The following GALNT2 variants were observed in gnomAD, a reference collection of about 807,000 sequenced individuals.
GALNT2 encodes the protein UDP-GalNAc:polypeptide N-acetylgalactosaminyltransferase 2.
Under a neutral mutation model 81.4 loss-of-function variants are expected in GALNT2, and 31 were observed. The observed-to-expected ratio is 0.38, with a 90% confidence interval of 0.29 to 0.51. The LOEUF (loss-of-function observed/expected upper bound fraction) is 0.51, where lower values mean the gene tolerates loss of function less well. GALNT2 is among the 20% of genes least tolerant of loss of function. GALNT2 has a pLI of 0.87. For synonymous variants in GALNT2, 303 were observed against 287.4 expected (o/e 1.05, Z -0.55); for missense variants, 629 against 765.7 (o/e 0.82, Z 2.11).
At chr1:230,118,444 T>C (rs1461803729) in intron 1 of GALNT2, among the ~76,000 whole-genome samples, 1 of 152,256 alleles carries the variant, frequency 6.6e-6, no homozygotes, top group Non-Finnish European at 1.5e-5. Context: ...TTCCAAAGTG[T>C]GCAAGCCTAT....
intron 1 of GALNT2, among the ~76,000 whole-genome samples, chr1:230,091,155 G>A (rs769378215): frequency 1.2e-4 from 18 of 151,770 alleles, no homozygotes; most frequent in South Asian, 2.1e-4. Flanking sequence ...TGCAGCCTCC[G>A]CCTCCTGGGT....
chr1:230,182,200 T>C (rs1023938919), intron 2 of GALNT2, among the ~76,000 whole-genome samples: 1 of 152,042 alleles, frequency 6.6e-6, no homozygotes, highest in African/African-American at 2.4e-5. Context: ...TTTTTGTTTT[T>C]TTCTGTATTG....
rs563892912 is a variant in GALNT2 at position 230,116,265 on chromosome 1, A to G, written c.126+48859A>G. ...TTTTTTTTTGAGACAGAGTCTCGCTATGTCACCAGGCTGGAGTGCAGTGGC... is the reference window on the plus strand; with the variant it reads ...TTTTTTTTTGAGACAGAGTCTCGCTGTGTCACCAGGCTGGAGTGCAGTGGC... On this transcript the variant is annotated intron_variant, in intron 1 of 15. Coordinates refer to ENST00000366672, the MANE Select transcript of GALNT2 (RefSeq NM_004481.5). 1.4e-3 allele frequency among the ~76,000 whole-genome samples: 207 copies of G among 151,752 alleles called. 2 individuals carry two copies. Among genetic ancestry groups the G allele is most frequent in the African/African-American group, 4.8e-3 (198 of 41,332 alleles).
upstream of GALNT2, among the ~76,000 whole-genome samples, chr1:230,065,860 A>G (rs958912260): frequency 6.6e-6 from 1 of 152,200 alleles, no homozygotes; most frequent in Non-Finnish European, 1.5e-5. Flanking sequence ...TTTTCCCAGA[A>G]ACAAGGCTCC....
intron 3 of GALNT2, among the ~76,000 whole-genome samples, chr1:230,228,061 T>C (rs1644895832): frequency 6.6e-6 from 1 of 152,042 alleles, no homozygotes; most frequent in Non-Finnish European, 1.5e-5. Context: ...TAACGGCCAA[T>C]TCAAAAATGT....
rs75652765 is a variant in GALNT2, at chr1:230,193,300, G to A, written c.221-9837G>A. Reference sequence around the variant, plus strand: ...TGAGACTCTCAGTTTCCTGCACAACGGGACCTGCATCCAGGAAGATACCTC... The same window carrying A: ...TGAGACTCTCAGTTTCCTGCACAACAGGACCTGCATCCAGGAAGATACCTC... On this transcript the variant is annotated intron_variant, in intron 2 of 15. Transcript: ENST00000366672. This position sits in a 1 kb window ranked among gnomAD's most constrained non-coding sequence, Gnocchi z 4.3. Among the ~76,000 whole-genome samples the A allele has an allele frequency of 4.9e-3, 741 of 152,248 alleles. 5 individuals are homozygous for A. Among genetic ancestry groups the A allele is most frequent in the African/African-American group, 0.017 (711 of 41,528 alleles).
At chr1:230,270,247 C>T (rs915634945) in intron 14 of GALNT2, among the ~76,000 whole-genome samples, 11 of 152,154 alleles carry the variant, frequency 7.2e-5, no homozygotes, top group African/African-American at 1.7e-4. Context: ...GAGGAGCAAG[C>T]GTTTTCTAGT....
chr1:230,245,554 C>T (rs944183378), intron 7 of GALNT2, among the ~76,000 whole-genome samples: 4 of 152,138 alleles, frequency 2.6e-5, no homozygotes, highest in Admixed American at 1.3e-4. Context: ...TTTGGTTAAC[C>T]TTCTGCTGTG....
intron 1 of GALNT2, among the ~76,000 whole-genome samples, chr1:230,148,903 T>G (rs1051566447): frequency 1.3e-5 from 2 of 151,454 alleles, no homozygotes; most frequent in African/African-American, 4.9e-5. Context: ...CTCCCCACCT[T>G]TTTTTTAAAC....
chr1:230,264,031 C>T (rs1305596343), intron 13 of GALNT2: 4 of 152,244 alleles, frequency 2.6e-5, no homozygotes, highest in Admixed American at 2.6e-4. Flanking sequence ...AACACAGCGT[C>T]CTTCTCCCTC....
intron 1 of GALNT2, among the ~76,000 whole-genome samples, chr1:230,076,058 T>G (rs892165693): frequency 6.6e-6 from 1 of 152,188 alleles, no homozygotes; most frequent in African/African-American, 2.4e-5. Flanking sequence ...GACATCTTGG[T>G]CACCTGTTCT....
At chr1:230,145,445 G>A (rs1661885888) in intron 1 of GALNT2, among the ~76,000 whole-genome samples, 1 of 152,226 alleles carries the variant, frequency 6.6e-6, no homozygotes, top group African/African-American at 2.4e-5. Context: ...TAGGTGTCTG[G>A]TGTTTGAAGC....
intron 1 of GALNT2, among the ~76,000 whole-genome samples, chr1:230,126,215 G>T (rs972918270): frequency 1.3e-5 from 2 of 152,236 alleles, no homozygotes; most frequent in African/African-American, 4.8e-5. Context: ...CAGAGCAGGA[G>T]TGTGGGGTTG....
At chr1:230,178,381 G>C (rs1663054107) in intron 2 of GALNT2, 70 bp downstream of exon 2, 2 of 1,173,174 alleles carry the variant, frequency 1.7e-6, no homozygotes, top group Non-Finnish European at 2.5e-6. Flanking sequence ...CATGGCTCTT[G>C]GAGCAGGTGG....
chr1:230,072,022 G>A (rs1298311352), intron 1 of GALNT2, among the ~76,000 whole-genome samples: 2 of 152,154 alleles, frequency 1.3e-5, no homozygotes, highest in East Asian at 3.9e-4. Flanking sequence ...TGGGGTGGGG[G>A]ACACCTGGGA....
Position 230,249,236 on chromosome 1 carries a change from A to G in GALNT2, c.870A>G (p.Arg290=), listed in dbSNP as rs747993447. The G allele has an allele frequency of 1.9e-6, 3 of 1,614,112 alleles. No individual in the cohort carries two copies. In the South Asian group the frequency reaches 3.3e-5, roughly 18 times the overall value. The stretch of plus-strand genomic sequence containing the variant: ...GGGATTACATGACGCCTGAGCAGAG[A>G]AGGTCCCGGCAGGGGAACCCAGTCG... ...FKWDYMTPEQ[R]RSRQGNPVAP... Residue 290 remains arginine (R), a synonymous_variant, in exon 9 of 16, where the codon AGA becomes AGG. Transcript: ENST00000366672.
Position 230,125,242 on chromosome 1 carries a change from G to T in GALNT2, c.127-52976G>T, listed in dbSNP as rs1301658973. On this transcript the variant is annotated intron_variant, in intron 1 of 15. Coordinates refer to ENST00000366672, the MANE Select transcript of GALNT2 (RefSeq NM_004481.5). ...AACCCATCACACAATTAGAGTGCAG[G>T]ATCCCTTTCCCACAATCAGAGTAAC... Among the ~76,000 whole-genome samples, 3 of 152,308 alleles carry T rather than the reference G, an allele frequency of 2.0e-5. No homozygotes were observed. In the East Asian group the frequency reaches 5.8e-4, roughly 29 times the overall value.
At chr1:230,255,590 TA>T (rs941115221) in intron 11 of GALNT2, among the ~76,000 whole-genome samples, 1 of 152,096 alleles carries the variant, frequency 6.6e-6, no homozygotes, top group African/African-American at 2.4e-5. Context: ...CACAGCCTCA[TA>T]AAAACACAGC....
chr1:230,180,219 A>G (rs1572055990), intron 2 of GALNT2, among the ~76,000 whole-genome samples: 1 of 149,834 alleles, frequency 6.7e-6, no homozygotes, highest in African/African-American at 2.5e-5. Flanking sequence ...CGCCTGGCCT[A>G]CTTTGGTGTT....
Sources: allele counts gnomAD v4.1 joint callset (sites outside exome capture counted in the v4.1 genomes callset), GRCh38; gene constraint gnomAD v4.1.1; non-coding constraint Gnocchi (gnomAD v3.1); transcripts MANE v1.5; gene names NCBI Gene and HGNC (gene_info 2026-07-23, HGNC 2026-07-21).